SLCO5A1: variants seen among roughly 807,000 people sequenced by gnomAD.
SLCO5A1 encodes solute carrier organic anion transporter family member 5A1.
SLCO5A1 carries 39 observed loss-of-function variants against 65.1 expected under a neutral mutation model. That is an observed-to-expected ratio of 0.60 (90% CI 0.46 to 0.78). SLCO5A1 has a LOEUF of 0.78. Ranked by LOEUF, SLCO5A1 falls within the 30% of genes least tolerant of loss-of-function variation. The pLI, the probability that SLCO5A1 is intolerant of heterozygous loss-of-function variation, is 0.00. For missense variants in SLCO5A1, 1,029 were observed against 1,069.4 expected, an observed-to-expected ratio of 0.96 and a Z score of 0.53; for synonymous variants, 438 against 415.7, an observed-to-expected ratio of 1.05 and a Z score of -0.65.
At position 69,831,961 on chromosome 8, in the gene SLCO5A1, T is replaced by C; in HGVS notation, c.713A>G (p.Gln238Arg). 1 of 1,594,632 alleles carries C rather than the reference T, an allele frequency of 6.3e-7. No homozygotes were observed. The highest frequency in any genetic ancestry group is 8.5e-7 in the Non-Finnish European group (1 of 1,171,324). Residue 238 changes from glutamine (Q) to arginine (R), a missense_variant, in exon 2 of 10, where the codon CAG becomes CGG. Physicochemically the swap from Gln to Arg is conservative, Grantham distance 43. Around this residue, in one of 3 missense-constraint regions of SLCO5A1, gnomAD observed 647 missense variants for 647.5 expected, o/e 1.00. Transcript: ENST00000260126. The part of the protein sequence containing the change: ...NASAPNDGLC[Q>R]GGNSTATLEP... ...CAAAGTGGCGGTGGAGTTGCCACCC[T>C]GACACAGGCCGTCGTTGGGGGCCGA...
At chr8:69,799,942 A>G (rs1024905274) in intron 2 of SLCO5A1, among the ~76,000 whole-genome samples, 1 of 152,148 alleles carries the variant, frequency 6.6e-6, no homozygotes, top group Non-Finnish European at 1.5e-5. Context: ...CTTATTTACT[A>G]TGGATTTCAT....
intron 5 of SLCO5A1, among the ~76,000 whole-genome samples, chr8:69,707,389 C>T (rs1187695523): frequency 2.0e-5 from 3 of 152,058 alleles, no homozygotes; most frequent in Admixed American, 2.0e-4. Flanking sequence ...GAATATCCTA[C>T]ACAAAGAAAA....
intron 3 of SLCO5A1, among the ~76,000 whole-genome samples, chr8:69,759,645 T>G (rs2130862310): frequency 6.6e-6 from 1 of 152,180 alleles, no homozygotes; most frequent in Non-Finnish European, 1.5e-5. Context: ...TCAATTTTAT[T>G]TATTTATTTA....
At chr8:69,783,899 C>T (rs574189118) in intron 2 of SLCO5A1, among the ~76,000 whole-genome samples, 1 of 151,790 alleles carries the variant, frequency 6.6e-6, no homozygotes, top group South Asian at 2.1e-4. Flanking sequence ...AATTATGAAC[C>T]CTGGATGACA....
At chr8:69,834,323 C>T (rs1821320394) in intron 1 of SLCO5A1, 2 of 152,402 alleles carry the variant, frequency 1.3e-5, no homozygotes, top group African/African-American at 4.8e-5. Context: ...CACTGGGTTT[C>T]ATTTTGCAGC....
At chr8:69,831,179 G>C (rs576721956) in intron 2 of SLCO5A1, among the ~76,000 whole-genome samples, 1 of 151,744 alleles carries the variant, frequency 6.6e-6, no homozygotes, top group East Asian at 1.9e-4. Flanking sequence ...AGAATCACTT[G>C]AACCCAGGAG....
At chr8:69,797,895 G>A (rs529943046) in intron 2 of SLCO5A1, among the ~76,000 whole-genome samples, 1 of 152,226 alleles carries the variant, frequency 6.6e-6, no homozygotes, top group East Asian at 1.9e-4. Context: ...TTATTACCTT[G>A]TGAAGCATGT....
chr8:69,827,081 G>A (rs1820954240), intron 2 of SLCO5A1, among the ~76,000 whole-genome samples: 1 of 147,748 alleles, frequency 6.8e-6, no homozygotes, highest in Non-Finnish European at 1.5e-5. Flanking sequence ...CTCACCCATA[G>A]GTGGAAATTG....
intron 4 of SLCO5A1, among the ~76,000 whole-genome samples, chr8:69,753,935 G>T (rs1170338904): frequency 1.4e-5 from 2 of 146,332 alleles, no homozygotes; most frequent in East Asian, 4.1e-4. Context: ...AGAATTGCTT[G>T]AACCTGGGAG....
At chr8:69,734,359 G>A (rs960968401) in intron 5 of SLCO5A1, among the ~76,000 whole-genome samples, 1 of 152,064 alleles carries the variant, frequency 6.6e-6, no homozygotes. Flanking sequence ...ACTCCAAATG[G>A]GCAGATTCTA....
Position 69,667,718 on chromosome 8 carries a change from CT to C in SLCO5A1, c.*5150del, listed in dbSNP as rs2130777959. The C allele has an allele frequency of 6.6e-6, 1 of 152,302 alleles. No homozygotes were observed. Among genetic ancestry groups the C allele is most frequent in the Non-Finnish European group, 1.5e-5 (1 of 68,012 alleles). The allele number at this position is 152,302 out of a possible 1,614,324, so 9.4% of individuals were successfully genotyped here. On this transcript the variant is annotated 3_prime_UTR_variant, in exon 10 of 10. Transcript: ENST00000260126. ...TAAAAATACCTTACATGGGTGTAAT[CT>C]TTTTGGAGAAGAAATAAGAAAAGGT...
At chr8:69,798,377 A>C (rs2130900122) in intron 2 of SLCO5A1, among the ~76,000 whole-genome samples, 1 of 152,312 alleles carries the variant, frequency 6.6e-6, no homozygotes, top group Non-Finnish European at 1.5e-5. Flanking sequence ...TCATGGTTCT[A>C]CAGCCTGTAG....
In SLCO5A1 at chr8:69,716,264, T is replaced by C. The variant is rs141875979; in HGVS notation, c.1424-11035A>G. On this transcript the variant is annotated intron_variant, in intron 5 of 9. Transcript: ENST00000260126. Reference sequence around the variant, plus strand: ...CATTTGGGTTGTTTCTACTTTTTGGTTATTATGAATAATGCTGCTATGAAC... The same window carrying C: ...CATTTGGGTTGTTTCTACTTTTTGGCTATTATGAATAATGCTGCTATGAAC... Among the ~76,000 whole-genome samples, 343 of 152,350 alleles carry C rather than the reference T, an allele frequency of 2.3e-3. 1 individual carries two copies. The highest frequency in any genetic ancestry group is 7.9e-3 in the African/African-American group (328 of 41,574).
intron 6 of SLCO5A1, among the ~76,000 whole-genome samples, chr8:69,687,835 TATTTTAACATATATATA>T (rs1302821671): frequency 3.8e-4 from 57 of 151,648 alleles, no homozygotes; most frequent in African/African-American, 7.5e-4. Context: ...TAATATAACA[TATTTTAACATATATATA>T]ATTTTAACAT....
chr8:69,726,938 C>T (rs1816107589), intron 5 of SLCO5A1, among the ~76,000 whole-genome samples: 1 of 152,164 alleles, frequency 6.6e-6, no homozygotes, highest in Non-Finnish European at 1.5e-5. Flanking sequence ...CCTGGAAGAT[C>T]TCATTTATTA....
chr8:69,764,307 G>A (rs1817951698), intron 2 of SLCO5A1, among the ~76,000 whole-genome samples: 1 of 152,170 alleles, frequency 6.6e-6, no homozygotes, highest in Non-Finnish European at 1.5e-5. Flanking sequence ...TTACCAGAAA[G>A]CAAAGTGGAA....
At chr8:69,772,297 G>A (rs568166450) in intron 2 of SLCO5A1, among the ~76,000 whole-genome samples, 2 of 152,118 alleles carry the variant, frequency 1.3e-5, no homozygotes, top group African/African-American at 4.8e-5. Context: ...AAGGCAGGAG[G>A]ATCATTTGAG....
chr8:69,763,920 A>G (rs1035762314), intron 2 of SLCO5A1, among the ~76,000 whole-genome samples: 1 of 152,160 alleles, frequency 6.6e-6, no homozygotes, highest in Non-Finnish European at 1.5e-5. Flanking sequence ...GCTGGAGTAC[A>G]GTGGTGTGAT....
intron 2 of SLCO5A1, among the ~76,000 whole-genome samples, chr8:69,803,749 G>T (rs1346060403): frequency 6.6e-6 from 1 of 152,114 alleles, no homozygotes; most frequent in Non-Finnish European, 1.5e-5. Context: ...AACACTTTGG[G>T]AGGCCATGGT....
Sources: allele counts gnomAD v4.1 joint callset (sites outside exome capture counted in the v4.1 genomes callset), GRCh38; gene constraint gnomAD v4.1.1; regional missense constraint gnomAD v4.1.1; transcripts MANE v1.5; gene names NCBI Gene and HGNC (gene_info 2026-07-23, HGNC 2026-07-21).